GALNT6: variants seen among roughly 807,000 people sequenced by gnomAD.
The protein encoded by GALNT6 is GalNAc transferase 6.
In GALNT6, 51 loss-of-function variants were observed where a neutral mutation model predicts 65.9. The observed-to-expected ratio is 0.77, with a 90% CI of 0.62 to 0.98. GALNT6 has a LOEUF of 0.98. Ranked by LOEUF, GALNT6 falls within the 50% of genes least tolerant of loss-of-function variation. The probability of loss-of-function intolerance (pLI) is 0.00; values close to 1 mark genes in which losing one functional copy is unlikely to be tolerated. For synonymous variants in GALNT6, 323 were observed against 315.1 expected, an observed-to-expected ratio of 1.02 and a Z score of -0.26; for missense variants, 708 against 803.3, an observed-to-expected ratio of 0.88 and a Z score of 1.43.
chr12:51,386,474 A>G (rs1395812324), intron 2 of GALNT6, among the ~76,000 whole-genome samples: 1 of 152,226 alleles, frequency 6.6e-6, no homozygotes, highest in Admixed American at 6.5e-5. Context: ...TGTGAATGTC[A>G]GAGTCAGCCA....
At chr12:51,365,665 C>T (rs1297088023) in intron 4 of GALNT6, 86 bp from the exon 5 acceptor site, 2 of 1,378,668 alleles carry the variant, frequency 1.5e-6, no homozygotes, top group African/African-American at 2.9e-5. Flanking sequence ...GGCTCTCAGG[C>T]CTCTAGCAGG....
rs185795984 is a variant in GALNT6 at position 51,371,757 on chromosome 12, G to C, written c.664+5438C>G. Among the ~76,000 whole-genome samples the C allele has an allele frequency of 9.1e-4, 138 of 152,180 alleles. 1 individual carries two copies. Among genetic ancestry groups the C allele is most frequent in the African/African-American group, 3.2e-3 (131 of 41,516 alleles). On this transcript the variant is annotated intron_variant, in intron 4 of 11. Transcript: ENST00000356317. ...CTCAGCACGCGGTCTCCTCCCCCAT[G>C]GTATCAAATGCCCTTAGACTCACTC... is the stretch of plus-strand genomic sequence containing the variant.
chr12:51,373,420 C>T (rs750903493), intron 4 of GALNT6, among the ~76,000 whole-genome samples: 25 of 152,100 alleles, frequency 1.6e-4, no homozygotes, highest in African/African-American at 2.7e-4. Context: ...CCCTTTTGCT[C>T]GGCTCTCATT....
chr12:51,390,162 T>C (rs557050646), intron 2 of GALNT6, among the ~76,000 whole-genome samples: 217 of 113,424 alleles, frequency 1.9e-3, no homozygotes, highest in Non-Finnish European at 3.7e-3. Context: ...CTTTCTTTTT[T>C]TTTTTTTTTT....
Position 51,359,477 on chromosome 12 carries a change from T to C in GALNT6, c.1168-145A>G, listed in dbSNP as rs74093871. ...TGCTCTCTCTCCCTGGGAAAAAGGA[T>C]ACCGACCAGGCTTCTTCCTAGGCCA... is the stretch of plus-strand genomic sequence containing the variant. On this transcript the variant is annotated intron_variant, in intron 7 of 11. Transcript: ENST00000356317. 1,747 of 578,992 alleles carry C rather than the reference T, an allele frequency of 3.0e-3. 24 individuals are homozygous for C. The highest frequency in any genetic ancestry group is 0.03 in the African/African-American group (1,595 of 53,638). The allele number at this position is 578,992 out of a possible 1,614,324, so 35.9% of individuals were successfully genotyped here.
chr12:51,377,437 C>T, intron 3 of GALNT6, 70 bp from the exon 4 acceptor site: 1 of 1,307,734 alleles, frequency 7.6e-7, no homozygotes, highest in East Asian at 2.4e-5. Context: ...AGGGCCCCAT[C>T]CAGAGACTCC....
chr12:51,368,714 C>T (rs1947192647), intron 4 of GALNT6, among the ~76,000 whole-genome samples: 1 of 143,460 alleles, frequency 7.0e-6, no homozygotes, highest in Admixed American at 7.0e-5. Flanking sequence ...CCCACTTTTT[C>T]CTTCTTCAAT....
intron 2 of GALNT6, 129 bp from the exon 3 acceptor site, chr12:51,380,013 T>C: frequency 1.8e-6 from 1 of 550,392 alleles, no homozygotes; most frequent in East Asian, 2.9e-5. Flanking sequence ...AACTTTCCCA[T>C]ATCTACATTT....
rs183613379 is a variant in GALNT6 at position 51,366,254 on chromosome 12, C to T, written c.665-675G>A. Among the ~76,000 whole-genome samples the T allele has an allele frequency of 3.3e-3, 508 of 152,334 alleles. 4 individuals are homozygous for T. Among genetic ancestry groups the T allele is most frequent in the South Asian group, 0.028 (133 of 4,830 alleles). ...TTCTGACAGAGGCTCTCAGATGCCTCCCTCAGTTTCTCCACCCTCTCAGCC... is the reference window on the plus strand; with the variant it reads ...TTCTGACAGAGGCTCTCAGATGCCTTCCTCAGTTTCTCCACCCTCTCAGCC... On this transcript the variant is annotated intron_variant, in intron 4 of 11. Coordinates refer to ENST00000356317, the MANE Select transcript of GALNT6 (RefSeq NM_007210.4).
rs1282199494 is a variant in GALNT6 at position 51,364,359 on chromosome 12, C to T, written c.815-4G>A. On this transcript the variant is annotated splice_region_variant and splice_polypyrimidine_tract_variant and intron_variant, in intron 5 of 11. Coordinates refer to ENST00000356317, the MANE Select transcript of GALNT6 (RefSeq NM_007210.4). Reference sequence around the variant, plus strand: ...AGCCAGCCGTGGAAGCACTCACCTGCAGGCCCCAACCAGGAGGCAGCAGTC... The same window carrying T: ...AGCCAGCCGTGGAAGCACTCACCTGTAGGCCCCAACCAGGAGGCAGCAGTC... 6.2e-6 allele frequency: 10 copies of T among 1,607,418 alleles called. No individual in the cohort carries two copies. Among genetic ancestry groups the T allele is most frequent in the Non-Finnish European group, 8.5e-6 (10 of 1,173,930 alleles).
At chr12:51,384,125 C>T (rs905789488) in intron 2 of GALNT6, among the ~76,000 whole-genome samples, 2 of 152,168 alleles carry the variant, frequency 1.3e-5, no homozygotes. Context: ...CTTTTTCCTC[C>T]AGCTACCCTT....
chr12:51,363,482 A>T (rs926594106), intron 6 of GALNT6, among the ~76,000 whole-genome samples: 2 of 152,246 alleles, frequency 1.3e-5, no homozygotes, highest in African/African-American at 2.4e-5. Context: ...TGTTTGTAAA[A>T]AAAATAAAAA....
intron 4 of GALNT6, among the ~76,000 whole-genome samples, chr12:51,375,413 C>T (rs768533150): frequency 4.6e-5 from 7 of 152,206 alleles, no homozygotes; most frequent in Non-Finnish European, 8.8e-5. Context: ...TGGCTACATA[C>T]TCCATGGTGC....
chr12:51,385,426 C>T (rs992609540), intron 2 of GALNT6, among the ~76,000 whole-genome samples: 1 of 152,190 alleles, frequency 6.6e-6, no homozygotes, highest in Non-Finnish European at 1.5e-5. Context: ...ATTCCATTTT[C>T]AAATGATAGT....
At chr12:51,383,446 G>T (rs1171209115) in intron 2 of GALNT6, 1 of 152,200 alleles carries the variant, frequency 6.6e-6, no homozygotes, top group Non-Finnish European at 1.5e-5. Flanking sequence ...ACTGTTGCCA[G>T]TGCTCAAGAC....
rs916292484 is a variant in GALNT6 at position 51,354,193 on chromosome 12, C to T, written c.*186G>A. 16 of 521,448 alleles carry T rather than the reference C, an allele frequency of 3.1e-5. No homozygotes were observed. In the Admixed American group the frequency reaches 3.4e-4, roughly 11 times the overall value. The allele number at this position is 521,448 out of a possible 1,614,324, so 32.3% of individuals were successfully genotyped here. ...TATATGTCCTAATGGTCTCTTCCATCGGTGTGAAGGAAAGAAAATGGGCCC... is the reference window on the plus strand; with the variant it reads ...TATATGTCCTAATGGTCTCTTCCATTGGTGTGAAGGAAAGAAAATGGGCCC... On this transcript the variant is annotated 3_prime_UTR_variant, in exon 12 of 12. Coordinates refer to ENST00000356317, the MANE Select transcript of GALNT6 (RefSeq NM_007210.4).
intron 2 of GALNT6, among the ~76,000 whole-genome samples, chr12:51,385,569 T>C (rs1396984325): frequency 6.6e-6 from 1 of 152,204 alleles, no homozygotes; most frequent in Non-Finnish European, 1.5e-5. Flanking sequence ...TTTGGTCAAG[T>C]CATAGAAGTT....
intron 2 of GALNT6, among the ~76,000 whole-genome samples, chr12:51,380,384 T>C (rs747286519): frequency 5.3e-5 from 8 of 152,146 alleles, no homozygotes; most frequent in Non-Finnish European, 8.8e-5. Flanking sequence ...AAAATACCCA[T>C]ACCGTGCAGT....
chr12:51,379,586 C>A lies in GALNT6; in HGVS notation c.196G>T (p.Asp66Tyr). Residue 66 changes from aspartate to tyrosine, a missense_variant, in exon 3 of 12, where the codon GAT becomes TAT. Transcript: ENST00000356317. ...CTGATTTGGAGCTTGGGCATTGAAT[C>A]TCTAAGGTTGTTCATGGCCTCCAGC... ...LMLEAMNNLRDSMPKLQIRAP... is the reference protein window; with the variant it reads ...LMLEAMNNLRYSMPKLQIRAP... The A allele has an allele frequency of 1.2e-6, 2 of 1,614,138 alleles. No individual in the cohort carries two copies. Among genetic ancestry groups the A allele is most frequent in the Non-Finnish European group, 1.7e-6 (2 of 1,180,004 alleles).
Sources: gnomAD v4.1 joint callset for allele counts (sites outside exome capture counted in the v4.1 genomes callset) on GRCh38, gnomAD v4.1.1 for gene constraint, MANE v1.5 for transcripts, NCBI Gene and HGNC (gene_info 2026-07-23, HGNC 2026-07-21) for gene names.